MAPK14: variants seen among roughly 807,000 people sequenced by gnomAD.
The protein encoded by MAPK14 is mitogen-activated protein kinase 14.
In MAPK14, 16 loss-of-function variants were observed where a neutral mutation model predicts 49.6. That is an observed-to-expected ratio of 0.32 (90% CI 0.22 to 0.49). MAPK14 has a LOEUF of 0.49. MAPK14 is among the 20% of genes least tolerant of loss of function. MAPK14 has a pLI of 0.99. For synonymous variants in MAPK14, 142 were observed against 158.0 expected (o/e 0.90, Z 0.76); for missense variants, 200 against 441.2 (o/e 0.45, Z 4.90).
Position 36,028,173 on chromosome 6 carries a change from C to T in MAPK14, c.16C>T (p.Pro6Ser). 1.9e-6 allele frequency: 3 copies of T among 1,613,274 alleles called. No homozygotes were observed. The highest frequency in any genetic ancestry group is 2.5e-6 in the Non-Finnish European group (3 of 1,179,436). MSQER[P>S]TFYRQELNKT... ...CCGCTGGAAAATGTCTCAGGAGAGG[C>T]CCACGTTCTACCGGCAGGAGCTGAA... is the stretch of plus-strand genomic sequence containing the variant. The change falls in exon 1 of 12, where the codon CCC becomes TCC. Residue 6 changes from proline (P) to serine (S), a missense_variant. Around this residue, in one of 2 missense-constraint regions of MAPK14, gnomAD observed 30 missense variants for 34.2 expected, o/e 0.88. Coordinates refer to ENST00000229794, the MANE Select transcript of MAPK14 (RefSeq NM_139012.3). This position sits in a 1 kb window ranked among gnomAD's most constrained non-coding sequence, Gnocchi z 5.1.
chr6:36,043,065 A>G (rs1581739947), intron 1 of MAPK14, among the ~76,000 whole-genome samples: 1 of 152,130 alleles, frequency 6.6e-6, no homozygotes, highest in South Asian at 2.1e-4. Context: ...TCAAAGCTGC[A>G]TTGAGCCGTG....
At chr6:36,087,010 T>A (rs536738964) in intron 8 of MAPK14, among the ~76,000 whole-genome samples, 1 of 152,214 alleles carries the variant, frequency 6.6e-6, no homozygotes, top group Non-Finnish European at 1.5e-5. Context: ...TCAATAAACA[T>A]AATTGATCAC....
intron 5 of MAPK14, 79 bp downstream of exon 5, chr6:36,073,799 A>G: frequency 7.2e-7 from 1 of 1,397,930 alleles, no homozygotes; most frequent in Non-Finnish European, 1.0e-6. Flanking sequence ...CAAGATCCTA[A>G]TCTAAACTTT....
intron 3 of MAPK14, among the ~76,000 whole-genome samples, chr6:36,070,432 AC>A (rs1178067599): frequency 3.3e-5 from 5 of 152,164 alleles, no homozygotes; most frequent in African/African-American, 1.2e-4. Context: ...ACATTATCTC[AC>A]AGAGTTATTG....
intron 8 of MAPK14, among the ~76,000 whole-genome samples, chr6:36,083,097 CAAG>C (rs906284813): frequency 3.3e-5 from 5 of 152,156 alleles, no homozygotes; most frequent in Non-Finnish European, 5.9e-5. Flanking sequence ...AGGCTTCCAA[CAAG>C]AAGAACGAAA....
At chr6:36,076,657 G>T (rs201679204) in intron 8 of MAPK14, 49 bp downstream of exon 8, 1 of 1,390,796 alleles carries the variant, frequency 7.2e-7, no homozygotes. Context: ...GTATTCCAGT[G>T]TCCATGGGTG....
chr6:36,109,616 G>T lies in MAPK14; in HGVS notation c.*1169G>T, dbSNP rs201438654. 6.6e-6 allele frequency: 1 copy of T among 152,618 alleles called. No individual in the cohort carries two copies. The highest frequency in any genetic ancestry group is 2.4e-5 in the African/African-American group (1 of 41,424). The allele number at this position is 152,618 out of a possible 1,614,324, so 9.5% of individuals were successfully genotyped here. A position where few individuals can be genotyped will look rare whatever the true frequency, so the allele number is the denominator to read the frequency against. On this transcript the variant is annotated 3_prime_UTR_variant, in exon 12 of 12. Coordinates refer to ENST00000229794, the MANE Select transcript of MAPK14 (RefSeq NM_139012.3). The stretch of plus-strand genomic sequence containing the variant: ...AAAATCATGAAAAGAGGAACAGGTG[G>T]ATGTATAGCATTTTTATTCATGCCA...
At chr6:36,095,343 T>C (rs995770786) in intron 8 of MAPK14, among the ~76,000 whole-genome samples, 2 of 152,204 alleles carry the variant, frequency 1.3e-5, no homozygotes, top group African/African-American at 2.4e-5. Context: ...GAACATGCGA[T>C]GGGAGAGCGC....
chr6:36,112,113 G>C (rs1765984932), downstream of MAPK14, among the ~76,000 whole-genome samples: 1 of 152,172 alleles, frequency 6.6e-6, no homozygotes, highest in East Asian at 1.9e-4. Context: ...GGCTGAGGCG[G>C]GAGAATGGTA....
chr6:36,045,292 A>T (rs1225316433), intron 1 of MAPK14, among the ~76,000 whole-genome samples: 2 of 152,208 alleles, frequency 1.3e-5, no homozygotes, highest in African/African-American at 4.8e-5. Flanking sequence ...GTTGATTAGG[A>T]CATTTTTACC....
intron 1 of MAPK14, among the ~76,000 whole-genome samples, chr6:36,040,024 TC>T (rs1188363184): frequency 7.9e-5 from 12 of 151,576 alleles, no homozygotes; most frequent in Admixed American, 2.0e-4. Context: ...AAAGTATCAG[TC>T]CAGAGGAGAC....
chr6:36,093,952 G>A (rs1380671897), intron 8 of MAPK14, among the ~76,000 whole-genome samples: 1 of 152,144 alleles, frequency 6.6e-6, no homozygotes, highest in Non-Finnish European at 1.5e-5. Flanking sequence ...GTGTTAATGT[G>A]AGGAAACTAA....
At chr6:36,066,626 G>C (rs1236379426) in intron 3 of MAPK14, among the ~76,000 whole-genome samples, 1 of 152,124 alleles carries the variant, frequency 6.6e-6, no homozygotes, top group Non-Finnish European at 1.5e-5. Context: ...AGAGAATGAA[G>C]GAAATATGTA....
intron 1 of MAPK14, among the ~76,000 whole-genome samples, chr6:36,034,882 A>C (rs1284376580): frequency 6.7e-6 from 1 of 149,848 alleles, no homozygotes; most frequent in Non-Finnish European, 1.5e-5. Flanking sequence ...TAATTCTCGC[A>C]ATATTTCTTT....
intron 1 of MAPK14, among the ~76,000 whole-genome samples, chr6:36,031,530 C>T (rs906592105): frequency 3.9e-4 from 60 of 152,130 alleles, no homozygotes; most frequent in African/African-American, 1.2e-3. Flanking sequence ...CTTAGGCTCC[C>T]AAGTAGCTGG....
chr6:36,051,675 TC>T (rs1480460784), intron 1 of MAPK14, among the ~76,000 whole-genome samples: 4 of 152,204 alleles, frequency 2.6e-5, no homozygotes, highest in Non-Finnish European at 5.9e-5. Flanking sequence ...GGATCCAGAC[TC>T]CCTGCTCTGC....
At chr6:36,039,214 C>T (rs1264424679) in intron 1 of MAPK14, among the ~76,000 whole-genome samples, 1 of 152,148 alleles carries the variant, frequency 6.6e-6, no homozygotes, top group African/African-American at 2.4e-5. Flanking sequence ...TTCATCAGAG[C>T]TCCCCCTCTT....
chr6:36,093,864 T>C (rs1765345655), intron 8 of MAPK14, among the ~76,000 whole-genome samples: 1 of 152,230 alleles, frequency 6.6e-6, no homozygotes. Context: ...TGTTTGAGAT[T>C]TGAAGTAGTC....
Position 36,084,448 on chromosome 6 carries a change from A to G in MAPK14, c.682+7840A>G, listed in dbSNP as rs564317594. Among the ~76,000 whole-genome samples the G allele has an allele frequency of 1.1e-3, 168 of 152,350 alleles. 1 individual carries two copies. Among genetic ancestry groups the G allele is most frequent in the Middle Eastern group, 3.4e-3 (1 of 294 alleles). ...ACCCAATGCAAAGAATCTAAGAACCATGATAAAACATTACAGGAGCTGTTA... is the reference window on the plus strand; with the variant it reads ...ACCCAATGCAAAGAATCTAAGAACCGTGATAAAACATTACAGGAGCTGTTA... On this transcript the variant is annotated intron_variant, in intron 8 of 11. Transcript: ENST00000229794.
Sources: gnomAD v4.1 joint callset for allele counts (sites outside exome capture counted in the v4.1 genomes callset) on GRCh38, gnomAD v4.1.1 for gene constraint, gnomAD v4.1.1 regional missense constraint, Gnocchi (gnomAD v3.1) non-coding constraint, MANE v1.5 for transcripts, NCBI Gene and HGNC (gene_info 2026-07-23, HGNC 2026-07-21) for gene names.